Variants in PITPNM2 observed in about 807,000 individuals in gnomAD.
PITPNM2 encodes the protein phosphatidylinositol transfer protein membrane associated 2.
Under a neutral mutation model 132.2 loss-of-function variants are expected in PITPNM2, and 35 were observed. The observed-to-expected ratio is 0.26, with a 90% CI of 0.20 to 0.35. The LOEUF (loss-of-function observed/expected upper bound fraction) is 0.35. Among genes scored for constraint, PITPNM2 ranks in the 10% least tolerant of loss-of-function variants. PITPNM2 has a pLI of 1.00. For missense variants in PITPNM2, 1,332 were observed against 1,912.0 expected, an observed-to-expected ratio of 0.70 and a Z score of 5.66; for synonymous variants, 738 against 799.2, an observed-to-expected ratio of 0.92 and a Z score of 1.29.
At chr12:123,045,809 C>T (rs1239666524) in intron 2 of PITPNM2, among the ~76,000 whole-genome samples, 1 of 152,246 alleles carries the variant, frequency 6.6e-6, no homozygotes, top group African/African-American at 2.4e-5. Flanking sequence ...TAGCCAGTGT[C>T]AGTAGCCAGT....
chr12:122,995,674 G>T lies in PITPNM2; in HGVS notation c.1783-14C>A. 6.4e-7 allele frequency: 1 copy of T among 1,572,654 alleles called. No homozygotes were observed. Among genetic ancestry groups the T allele is most frequent in the Non-Finnish European group, 8.6e-7 (1 of 1,162,526 alleles). ...CAGGTCATTGTCCTGGAACGGCCCC[G>T]TGGAGGCTCACTGCCAGGTGGCCGC... On this transcript the variant is annotated splice_polypyrimidine_tract_variant and intron_variant, in intron 13 of 25. Coordinates refer to ENST00000320201, the MANE Select transcript of PITPNM2 (RefSeq NM_020845.3).
Position 123,014,062 on chromosome 12 carries a change from TG to T in PITPNM2, c.79-21del, listed in dbSNP as rs2039318908. ...CTTCTTCTGTGGGGACAAAAGCACC[TG>T]CAATGTGTGTGGGGCCAGAGCACTC... On this transcript the variant is annotated intron_variant, in intron 3 of 25. Transcript: ENST00000320201. 4 of 1,613,426 alleles carry T rather than the reference TG, an allele frequency of 2.5e-6. No homozygotes were observed. The highest frequency in any genetic ancestry group is 3.4e-6 in the Non-Finnish European group (4 of 1,179,528).
In PITPNM2 at chr12:123,082,313, G is replaced by T. The variant is rs1312923295; in HGVS notation, c.-96+28072C>A. 6.6e-6 allele frequency among the ~76,000 whole-genome samples: 1 copy of T among 152,066 alleles called. No homozygotes were observed. The highest frequency in any genetic ancestry group is 2.4e-5 in the African/African-American group (1 of 41,394). ...AAAACTTGGCCCTGACTCTAACCCTGGCATTCCTCTGACCCTTTCTAATTT... is the reference window on the plus strand; with the variant it reads ...AAAACTTGGCCCTGACTCTAACCCTTGCATTCCTCTGACCCTTTCTAATTT... On this transcript the variant is annotated intron_variant, in intron 2 of 25. Coordinates refer to ENST00000320201, the MANE Select transcript of PITPNM2 (RefSeq NM_020845.3). The surrounding 1 kb of genome is among the most constrained non-coding windows in gnomAD (Gnocchi z 5.4).
chr12:123,068,665 A>G (rs1462358151), intron 2 of PITPNM2, among the ~76,000 whole-genome samples: 1 of 147,578 alleles, frequency 6.8e-6, no homozygotes, highest in Non-Finnish European at 1.5e-5. Context: ...ACTTTTGGAG[A>G]CCCTCCCATA....
At chr12:123,053,916 T>C (rs2040940626) in intron 2 of PITPNM2, among the ~76,000 whole-genome samples, 1 of 152,118 alleles carries the variant, frequency 6.6e-6, no homozygotes, top group Admixed American at 6.5e-5. Context: ...TAGACTTCAG[T>C]CAGATTTGCC....
chr12:123,028,366 T>G (rs1358013606), intron 3 of PITPNM2, among the ~76,000 whole-genome samples: 1 of 152,196 alleles, frequency 6.6e-6, no homozygotes, highest in Non-Finnish European at 1.5e-5. Flanking sequence ...GAAGGCCTAT[T>G]CCTAGCTGCC....
chr12:123,103,187 C>T (rs1425538512), intron 2 of PITPNM2, among the ~76,000 whole-genome samples: 3 of 152,198 alleles, frequency 2.0e-5, no homozygotes, highest in Non-Finnish European at 2.9e-5. Flanking sequence ...GTTTTAGTGA[C>T]TGTCCTTACA....
intron 2 of PITPNM2, among the ~76,000 whole-genome samples, chr12:123,096,681 G>C (rs1225177258): frequency 6.6e-6 from 1 of 152,194 alleles, no homozygotes; most frequent in Non-Finnish European, 1.5e-5. Context: ...GCCTAAACAA[G>C]GGTCCCAACA....
Position 122,992,716 on chromosome 12 carries a change from G to T in PITPNM2, c.2234-47C>A. On this transcript the variant is annotated intron_variant, in intron 15 of 25. Transcript: ENST00000320201. The surrounding 1 kb of genome is among the most constrained non-coding windows in gnomAD (Gnocchi z 6.5). ...GCAGAGCTGGGGCTGGCCCTGAGGA[G>T]CAGTGGTGGGGGTGGGAAATTTGGG... The T allele has an allele frequency of 6.9e-7, 1 of 1,457,104 alleles. No homozygotes were observed. The highest frequency in any genetic ancestry group is 9.2e-7 in the Non-Finnish European group (1 of 1,084,858). The allele number at this position is 1,457,104 out of a possible 1,614,324, so 90.3% of individuals were successfully genotyped here. A position where few individuals can be genotyped will look rare whatever the true frequency, so the allele number is the denominator to read the frequency against.
chr12:123,113,657 C>A (rs1023248330), intron 1 of PITPNM2, among the ~76,000 whole-genome samples: 5 of 152,162 alleles, frequency 3.3e-5, no homozygotes, highest in Admixed American at 6.5e-5. Context: ...ACTGTGATCA[C>A]ACCACTGCAC....
chr12:122,994,756 C>A lies in PITPNM2; in HGVS notation c.2233+45G>T. ...GGGTCCACTGAGACCCCCGCCCCCG[C>A]ACCCAGTGCATGTACCCCCCATCCT... On this transcript the variant is annotated intron_variant, in intron 15 of 25. Transcript: ENST00000320201. This position sits in a 1 kb window ranked among gnomAD's most constrained non-coding sequence, Gnocchi z 5.4. 6.4e-7 allele frequency: 1 copy of A among 1,573,352 alleles called. No homozygotes were observed.
chr12:123,002,575 G>C (rs2038744565), intron 8 of PITPNM2, among the ~76,000 whole-genome samples: 1 of 152,052 alleles, frequency 6.6e-6, no homozygotes, highest in South Asian at 2.1e-4. Context: ...ACGACACTTG[G>C]CTAATTTTTT....
rs2041989936 is a variant in PITPNM2, at chr12:123,082,384, T to C, written c.-96+28001A>G. On this transcript the variant is annotated intron_variant, in intron 2 of 25. Coordinates refer to ENST00000320201, the MANE Select transcript of PITPNM2 (RefSeq NM_020845.3). The surrounding 1 kb of genome is among the most constrained non-coding windows in gnomAD (Gnocchi z 5.4). ...ATCTAGTACCCGACTTACTTTTCTT[T>C]CTTCTTTCCTTTTTATTTTAAAAAT... 6.6e-6 allele frequency among the ~76,000 whole-genome samples: 1 copy of C among 152,212 alleles called. No individual in the cohort carries two copies. Among genetic ancestry groups the C allele is most frequent in the Non-Finnish European group, 1.5e-5 (1 of 68,030 alleles).
At chr12:123,135,619 C>T (rs1457482326) in intron 1 of PITPNM2, among the ~76,000 whole-genome samples, 2 of 152,172 alleles carry the variant, frequency 1.3e-5, no homozygotes, top group South Asian at 2.1e-4. Context: ...GCAGTATTTG[C>T]GTTTCTGTGA....
intron 1 of PITPNM2, chr12:123,149,922 T>A (rs796896810): frequency 1.9e-4 from 29 of 152,232 alleles, no homozygotes; most frequent in African/African-American, 7.0e-4. Context: ...GGGAGGCAGG[T>A]AGGCCGGGGT....
intron 2 of PITPNM2, among the ~76,000 whole-genome samples, chr12:123,066,943 T>A (rs1592987093): frequency 6.6e-6 from 1 of 152,128 alleles, no homozygotes; most frequent in South Asian, 2.1e-4. Flanking sequence ...GTGCAGTAGG[T>A]TTGCCCTTTA....
In PITPNM2 at chr12:123,097,221, T is replaced by C. The variant is rs1232445262; in HGVS notation, c.-96+13164A>G. ...CCACGCCCAGCTAATTTTTGTACTT[T>C]TAGTAGAGACGGGGTTTTGCCATGT... On this transcript the variant is annotated intron_variant, in intron 2 of 25. Coordinates refer to ENST00000320201, the MANE Select transcript of PITPNM2 (RefSeq NM_020845.3). This position sits in a 1 kb window ranked among gnomAD's most constrained non-coding sequence, Gnocchi z 4.7. Among the ~76,000 whole-genome samples the C allele has an allele frequency of 6.6e-6, 1 of 152,098 alleles. No homozygotes were observed. The highest frequency in any genetic ancestry group is 1.9e-4 in the East Asian group (1 of 5,172).
intron 2 of PITPNM2, among the ~76,000 whole-genome samples, chr12:123,079,465 T>G (rs1413631162): frequency 7.6e-6 from 1 of 132,446 alleles, no homozygotes; most frequent in Non-Finnish European, 1.6e-5. Context: ...TTCTCCTGCC[T>G]CAGCCCAAGT....
intron 2 of PITPNM2, among the ~76,000 whole-genome samples, chr12:123,054,907 T>C (rs1186108110): frequency 6.6e-6 from 1 of 151,932 alleles, no homozygotes; most frequent in Admixed American, 6.6e-5. Context: ...CTACTAAAAA[T>C]ACAAAAATTA....
Sources: gnomAD v4.1 joint callset for allele counts (sites outside exome capture counted in the v4.1 genomes callset) on GRCh38, gnomAD v4.1.1 for gene constraint, Gnocchi (gnomAD v3.1) non-coding constraint, MANE v1.5 for transcripts, NCBI Gene and HGNC (gene_info 2026-07-23, HGNC 2026-07-21) for gene names.